The following SAXO2 variants were observed in gnomAD, a reference collection of about 807,000 sequenced individuals.
The protein encoded by SAXO2 is family with sequence similarity 154, member B.
A neutral mutation model predicts 18.7 loss-of-function variants in SAXO2; 17 were observed. The observed-to-expected ratio is 0.91, with a 90% CI of 0.62 to 1.36. The LOEUF is 1.36. Ranked by LOEUF, SAXO2 falls within the 40% of genes most tolerant of loss-of-function variation. The pLI, the probability that SAXO2 is intolerant of heterozygous loss-of-function variation, is 0.00. For missense variants in SAXO2, 486 were observed against 562.6 expected (o/e 0.86, Z 1.38); for synonymous variants, 163 against 181.2 (o/e 0.90, Z 0.81).
At chr15:82,272,478 G>A (rs1465459401) in intron 3 of SAXO2, among the ~76,000 whole-genome samples, 1 of 152,230 alleles carries the variant, frequency 6.6e-6, no homozygotes, top group South Asian at 2.1e-4. Flanking sequence ...AACTGACTTA[G>A]AGGAGTACAA....
chr15:82,268,214 G>A (rs879711475), intron 2 of SAXO2, among the ~76,000 whole-genome samples: 1 of 151,916 alleles, frequency 6.6e-6, no homozygotes, highest in African/African-American at 2.4e-5. Context: ...TTAGAGATTT[G>A]AAATAAATTT....
chr15:82,270,750 G>A (rs752387901), intron 2 of SAXO2, among the ~76,000 whole-genome samples: 9 of 152,166 alleles, frequency 5.9e-5, no homozygotes, highest in Non-Finnish European at 8.8e-5. Context: ...AGTCTTCAAA[G>A]CATGTGTGTA....
chr15:82,264,193 C>T (rs1218115157), intron 1 of SAXO2, among the ~76,000 whole-genome samples: 1 of 151,100 alleles, frequency 6.6e-6, no homozygotes, highest in African/African-American at 2.4e-5. Flanking sequence ...GCCTCAGCCT[C>T]TCTGAGTAGC....
intron 2 of SAXO2, among the ~76,000 whole-genome samples, chr15:82,270,559 G>A (rs1596029812): frequency 6.6e-6 from 1 of 152,316 alleles, no homozygotes; most frequent in East Asian, 1.9e-4. Context: ...GAAGAATTCA[G>A]TGAGGGTTTT....
chr15:82,273,761 T>C (rs1335286280), intron 3 of SAXO2, among the ~76,000 whole-genome samples: 1 of 152,024 alleles, frequency 6.6e-6, no homozygotes, highest in African/African-American at 2.4e-5. Flanking sequence ...TTTTTGAGAT[T>C]GAGTCTTGCT....
intron 2 of SAXO2, among the ~76,000 whole-genome samples, chr15:82,266,951 C>G (rs1208532635): frequency 6.6e-6 from 1 of 152,104 alleles, no homozygotes; most frequent in Non-Finnish European, 1.5e-5. Flanking sequence ...CTTTTTTGAT[C>G]TCTGTATTTT....
At chr15:82,266,541 T>G (rs2075220277) in intron 2 of SAXO2, among the ~76,000 whole-genome samples, 1 of 152,216 alleles carries the variant, frequency 6.6e-6, no homozygotes, top group South Asian at 2.1e-4. Flanking sequence ...TATGCTCCAT[T>G]CCATGGGCCA....
intron 3 of SAXO2, among the ~76,000 whole-genome samples, chr15:82,279,614 G>A (rs1490896000): frequency 3.9e-5 from 6 of 152,154 alleles, no homozygotes; most frequent in Non-Finnish European, 7.4e-5. Flanking sequence ...CCACCTTACA[G>A]GTAGTATTAA....
At chr15:82,269,107 A>G (rs1370071732) in intron 2 of SAXO2, among the ~76,000 whole-genome samples, 1 of 152,214 alleles carries the variant, frequency 6.6e-6, no homozygotes, top group African/African-American at 2.4e-5. Context: ...ATGAAGCACT[A>G]TACTAGTCAC....
chr15:82,277,381 A>T (rs539441154), intron 3 of SAXO2, among the ~76,000 whole-genome samples: 205 of 152,294 alleles, frequency 1.3e-3, no homozygotes, highest in African/African-American at 4.9e-3. Flanking sequence ...TATGCCAATA[A>T]TTTACAACTT....
intron 2 of SAXO2, among the ~76,000 whole-genome samples, chr15:82,266,461 T>C (rs11854289): frequency 0.38 from 58,385 of 152,104 alleles, 11,569 homozygotes; most frequent in South Asian, 0.48. Context: ...ACCAAAATCA[T>C]GTAGAGGCAT....
Position 82,263,273 on chromosome 15 carries a change from C to G in SAXO2, c.53+341C>G, listed in dbSNP as rs1313394783. 3.7e-6 allele frequency: 5 copies of G among 1,362,152 alleles called. No homozygotes were observed. In the East Asian group the frequency reaches 1.0e-4, roughly 27 times the overall value. The allele number at this position is 1,362,152 out of a possible 1,614,324, so 84.4% of individuals were successfully genotyped here. On this transcript the variant is annotated intron_variant, in intron 1 of 3. Coordinates refer to ENST00000682753, the MANE Select transcript of SAXO2 (RefSeq NM_001348699.2). ...CCGACTGGGAGAGTGCATTTCCACC[C>G]CATAATCCCCCACCACGAAGATGAG...
rs191282573 is a variant in SAXO2 at position 82,282,919 on chromosome 15, A to G, written c.1234A>G (p.Met412Val). 17 of 1,614,064 alleles carry G rather than the reference A, an allele frequency of 1.1e-5. No homozygotes were observed. The East Asian group carries it at 1.8e-4, about 17-fold the overall frequency. Residue 412 changes from methionine to valine, a missense_variant, in exon 4 of 4, where the codon ATG becomes GTG. Transcript: ENST00000682753. The stretch of plus-strand genomic sequence containing the variant: ...TTCTGTTCCATTTGATGATGTAACC[A>G]TGTACTCTGTAGAGTACACACCGAA... The part of the protein sequence containing the change: ...KSSVPFDDVT[M>V]YSVEYTPKRQ...
rs111467345 is a variant in SAXO2, at chr15:82,265,422, G to A, written c.54-147G>A. The A allele has an allele frequency of 2.1e-3, 827 of 402,630 alleles. 11 individuals are homozygous for A. The highest frequency in any genetic ancestry group is 0.016 in the African/African-American group (769 of 47,288). The allele number at this position is 402,630 out of a possible 1,614,324, so 24.9% of individuals were successfully genotyped here. ...CTCCCAAAGTGCTGAGATTACAGGC[G>A]TGAGCCACTGTGCCCGGCCCAGTTT... On this transcript the variant is annotated intron_variant, in intron 1 of 3. Coordinates refer to ENST00000682753, the MANE Select transcript of SAXO2 (RefSeq NM_001348699.2).
At chr15:82,275,390 A>G (rs963442611) in intron 3 of SAXO2, among the ~76,000 whole-genome samples, 1 of 149,940 alleles carries the variant, frequency 6.7e-6, no homozygotes, top group Non-Finnish European at 1.5e-5. Flanking sequence ...AAGTATTCCA[A>G]AAATTGAGGA....
rs775352370 is a variant in SAXO2, at chr15:82,282,440, T to C, written c.755T>C (p.Ile252Thr). The C allele has an allele frequency of 3.5e-5, 56 of 1,614,032 alleles. No individual in the cohort carries two copies. Among genetic ancestry groups the C allele is most frequent in the Admixed American group, 1.5e-4 (9 of 59,988 alleles). ...TTHRCDFQGLIGETAKLCRPV... is the reference protein window; with the variant it reads ...TTHRCDFQGLTGETAKLCRPV... ...CACCGGTGTGACTTTCAGGGTCTCA[T>C]TGGTGAAACTGCAAAACTCTGCAGA... Residue 252 changes from isoleucine to threonine, a missense_variant, in exon 4 of 4, where the codon ATT (isoleucine) becomes ACT (threonine). Physicochemically the swap from Ile to Thr is moderately conservative, Grantham distance 89 (BLOSUM62 -1). Transcript: ENST00000682753.
Position 82,283,121 on chromosome 15 carries a change from C to G in SAXO2, c.*59C>G, listed in dbSNP as rs1567096653. ...AAGTTGTTGTTTTTCCAAGAGAAAA[C>G]TCAATTTTTATAGTTAAAAAATTTA... On this transcript the variant is annotated 3_prime_UTR_variant, in exon 4 of 4. Transcript: ENST00000682753. 2 of 1,218,226 alleles carry G rather than the reference C, an allele frequency of 1.6e-6. No individual in the cohort carries two copies. The allele number at this position is 1,218,226 out of a possible 1,614,324, so 75.5% of individuals were successfully genotyped here.
intron 2 of SAXO2, among the ~76,000 whole-genome samples, chr15:82,270,202 T>C (rs572901518): frequency 6.6e-6 from 1 of 152,148 alleles, no homozygotes; most frequent in South Asian, 2.1e-4. Context: ...GAGTGAACAG[T>C]GGATGAGAAG....
At chr15:82,265,015 A>G in intron 1 of SAXO2, 1 of 460,570 alleles carries the variant, frequency 2.2e-6, no homozygotes, top group Admixed American at 3.4e-5. Flanking sequence ...CAGCTTCTAT[A>G]GTGTAAGAAG....
Sources: gnomAD v4.1 joint callset for allele counts (sites outside exome capture counted in the v4.1 genomes callset) on GRCh38, gnomAD v4.1.1 for gene constraint, MANE v1.5 for transcripts, NCBI Gene and HGNC (gene_info 2026-07-23, HGNC 2026-07-21) for gene names.